The following NUP93 variants were observed in gnomAD, a reference collection of about 807,000 sequenced individuals.
The protein encoded by NUP93 is nuclear pore complex protein Nup93.
A neutral mutation model predicts 107.8 loss-of-function variants in NUP93; 55 were observed. The observed-to-expected ratio is 0.51, with a 90% CI of 0.41 to 0.64. NUP93 has a LOEUF of 0.64. Among genes scored for constraint, NUP93 ranks in the 30% least tolerant of loss-of-function variants. The pLI, the probability that NUP93 is intolerant of heterozygous loss-of-function variation, is 0.00. For missense variants in NUP93, 937 were observed against 1,044.7 expected (o/e 0.90, Z 1.42); for synonymous variants, 390 against 397.5 (o/e 0.98, Z 0.22).
intron 21 of NUP93, among the ~76,000 whole-genome samples, chr16:56,842,173 T>C (rs1471501161): frequency 2.0e-5 from 3 of 152,250 alleles, no homozygotes; most frequent in African/African-American, 7.2e-5. Context: ...GTGAACACTT[T>C]TATTAAAACC....
chr16:56,775,560 TCTC>T (rs1361060772), intron 3 of NUP93, among the ~76,000 whole-genome samples: 1 of 152,176 alleles, frequency 6.6e-6, no homozygotes. Flanking sequence ...AACGTTTTGG[TCTC>T]CTCAGTAGTT....
At chr16:56,824,343 C>T (rs1963613926) in intron 8 of NUP93, among the ~76,000 whole-genome samples, 3 of 152,084 alleles carry the variant, frequency 2.0e-5, no homozygotes, top group Non-Finnish European at 2.9e-5. Flanking sequence ...TGATTTATGC[C>T]TGGGTTTCTT....
intron 3 of NUP93, among the ~76,000 whole-genome samples, chr16:56,773,892 A>G (rs1327051455): frequency 6.6e-6 from 1 of 152,224 alleles, no homozygotes; most frequent in East Asian, 1.9e-4. Context: ...TTGAGTCCAT[A>G]AAGAATTTAT....
chr16:56,737,202 C>T (rs946599397), intron 1 of NUP93, among the ~76,000 whole-genome samples: 2 of 152,116 alleles, frequency 1.3e-5, no homozygotes, highest in Non-Finnish European at 2.9e-5. Flanking sequence ...GCTGGAAGTC[C>T]GAGATCAGGA....
rs746321410 is a variant in NUP93 at position 56,748,457 on chromosome 16, C to T, written c.179+31C>T. 2.6e-6 allele frequency: 4 copies of T among 1,554,514 alleles called. No homozygotes were observed. In the South Asian group the frequency reaches 3.5e-5, roughly 14 times the overall value. On this transcript the variant is annotated intron_variant, in intron 2 of 21. Coordinates refer to ENST00000308159, the MANE Select transcript of NUP93 (RefSeq NM_014669.5). Reference sequence around the variant, plus strand: ...TACTGGTAGGGAGACAGCATTAGTACTGGGTGGCTTGCGGGCAGGATCTGT... The same window carrying T: ...TACTGGTAGGGAGACAGCATTAGTATTGGGTGGCTTGCGGGCAGGATCTGT...
Position 56,795,139 on chromosome 16 carries a change from T to C in NUP93, c.298-3337T>C, listed in dbSNP as rs576042693. 2.0e-5 allele frequency among the ~76,000 whole-genome samples: 3 copies of C among 151,808 alleles called. No individual in the cohort carries two copies. In the South Asian group the frequency reaches 6.3e-4, roughly 32 times the overall value. On this transcript the variant is annotated intron_variant, in intron 3 of 21. Coordinates refer to ENST00000308159, the MANE Select transcript of NUP93 (RefSeq NM_014669.5). ...CCCTCTCCCCCACTACCCCCAAACG[T>C]AGCTTGTTTGGACAATCAGCAGCAT...
chr16:56,839,217 G>A (rs1285142616), intron 19 of NUP93, 148 bp downstream of exon 19: 4 of 280,634 alleles, frequency 1.4e-5, no homozygotes, highest in South Asian at 1.3e-4. Context: ...GGACTTAAAA[G>A]GAGTTTCCTG....
Position 56,833,319 on chromosome 16 carries a change from C to T in NUP93, c.1450C>T (p.Arg484Trp), listed in dbSNP as rs528775471. 58 of 1,606,924 alleles carry T rather than the reference C, an allele frequency of 3.6e-5. No homozygotes were observed. The highest frequency in any genetic ancestry group is 1.9e-4 in the African/African-American group (14 of 74,572). The change falls in exon 13 of 22, where the codon CGG (arginine) becomes TGG (tryptophan). Residue 484 changes from arginine (R) to tryptophan (W), a missense_variant. Arg to Trp is a moderately radical substitution (Grantham distance 101). Coordinates refer to ENST00000308159, the MANE Select transcript of NUP93 (RefSeq NM_014669.5). The stretch of plus-strand genomic sequence containing the variant: ...AGTTGCCTTTCTTTTCCGCATGGAG[C>T]GGCTGCGCTGCCATGCTGTCCATGT... ...AAVAFLFRME[R>W]LRCHAVHVAL...
intron 1 of NUP93, among the ~76,000 whole-genome samples, chr16:56,733,530 A>G (rs1961566574): frequency 6.6e-6 from 1 of 152,154 alleles, no homozygotes; most frequent in Non-Finnish European, 1.5e-5. Flanking sequence ...TTTTACGAAA[A>G]GAGACTGGGA....
At chr16:56,817,166 A>G (rs1206105307) in intron 5 of NUP93, among the ~76,000 whole-genome samples, 1 of 152,190 alleles carries the variant, frequency 6.6e-6, no homozygotes, top group African/African-American at 2.4e-5. Context: ...GGACCTCTCA[A>G]GATCACCTAG....
At chr16:56,805,781 C>G in intron 5 of NUP93, 149 bp downstream of exon 5, 1 of 810,174 alleles carries the variant, frequency 1.2e-6, no homozygotes, top group Non-Finnish European at 1.9e-6. Flanking sequence ...CCGCATTTGC[C>G]TGGACTTCCT....
Position 56,847,681 on chromosome 16 carries a change from G to A in NUP93, c.*3072G>A, listed in dbSNP as rs1246518804. The stretch of plus-strand genomic sequence containing the variant: ...ACTCTTTGACTCCCCAACTTCAGAG[G>A]GAAAACTGAAGCGAAACTGGTGAGC... On this transcript the variant is annotated 3_prime_UTR_variant, in exon 22 of 22. Transcript: ENST00000308159. 1 of 152,184 alleles carries A rather than the reference G, an allele frequency of 6.6e-6. No homozygotes were observed. The highest frequency in any genetic ancestry group is 2.4e-5 in the African/African-American group (1 of 41,450). The allele number at this position is 152,184 out of a possible 1,614,324, so 9.4% of individuals were successfully genotyped here.
At chr16:56,810,910 ACTG>A (rs1418533709) in intron 5 of NUP93, among the ~76,000 whole-genome samples, 8 of 152,176 alleles carry the variant, frequency 5.3e-5, no homozygotes, top group Admixed American at 5.2e-4. Flanking sequence ...TATAGTATCT[ACTG>A]TTGTTTCTAG....
chr16:56,737,000 T>TA (rs1162284677), intron 1 of NUP93, among the ~76,000 whole-genome samples: 2 of 152,228 alleles, frequency 1.3e-5, no homozygotes, highest in African/African-American at 4.8e-5. Context: ...CTATTCCTTC[T>TA]AAAAAACTGT....
At chr16:56,730,978 C>T (rs1350878119) in intron 1 of NUP93, among the ~76,000 whole-genome samples, 2 of 152,176 alleles carry the variant, frequency 1.3e-5, no homozygotes, top group African/African-American at 4.8e-5. Context: ...AAGCGAGGGT[C>T]ACCTTTTTGT....
intron 2 of NUP93, among the ~76,000 whole-genome samples, chr16:56,755,099 T>C (rs186307031): frequency 4.7e-4 from 72 of 152,270 alleles, no homozygotes; most frequent in African/African-American, 1.7e-3. Context: ...AGATTAAGCA[T>C]AGGGTTATAT....
At position 56,830,637 on chromosome 16, in the gene NUP93, G is replaced by A. The variant is rs758307888; in HGVS notation, c.1037G>A (p.Gly346Glu). ...GTTAATCGAGCCCAGCACCAGCTGG[G>A]AGAGTTTAAAACCTGGTTCCAGGAG... Reference protein sequence around the residue: ...QVVNRAQHQLGEFKTWFQEYM... With the variant: ...QVVNRAQHQLEEFKTWFQEYM... The change falls in exon 10 of 22, where the codon GGA (glycine) becomes GAA (glutamate). Residue 346 changes from glycine to glutamate, a missense_variant. Transcript: ENST00000308159. 2 of 1,608,216 alleles carry A rather than the reference G, an allele frequency of 1.2e-6. No homozygotes were observed. Among genetic ancestry groups the A allele is most frequent in the South Asian group, 2.2e-5 (2 of 90,850 alleles).
At chr16:56,768,202 T>C (rs1427144442) in intron 3 of NUP93, among the ~76,000 whole-genome samples, 1 of 152,226 alleles carries the variant, frequency 6.6e-6, no homozygotes, top group Non-Finnish European at 1.5e-5. Context: ...TTGTGTTTTT[T>C]TCTCCTTCCT....
At chr16:56,821,919 A>C (rs375535697) in intron 7 of NUP93, among the ~76,000 whole-genome samples, 41 of 150,026 alleles carry the variant, frequency 2.7e-4, no homozygotes, top group African/African-American at 1.0e-3. Context: ...CCTTAATGAG[A>C]GCAGAATTGT....
Sources: gnomAD v4.1 joint callset for allele counts (sites outside exome capture counted in the v4.1 genomes callset) on GRCh38, gnomAD v4.1.1 for gene constraint, MANE v1.5 for transcripts, NCBI Gene and HGNC (gene_info 2026-07-23, HGNC 2026-07-21) for gene names.